Variants in NTN4 observed in about 807,000 individuals in gnomAD.
NTN4 encodes netrin-4.
Under a neutral mutation model 73.6 loss-of-function variants are expected in NTN4, and 32 were observed. That is an observed-to-expected ratio of 0.44 (90% CI 0.33 to 0.58). The LOEUF is 0.58. Ranked by LOEUF, NTN4 falls within the 20% of genes least tolerant of loss-of-function variation. NTN4 has a pLI of 0.04. For missense variants in NTN4, 654 were observed against 798.3 expected, an observed-to-expected ratio of 0.82 and a Z score of 2.18; for synonymous variants, 258 against 287.5, an observed-to-expected ratio of 0.90 and a Z score of 1.04.
Position 95,745,654 on chromosome 12 carries a change from TTTTC to T in NTN4, c.586-7514_586-7511del, listed in dbSNP as rs148154560. On this transcript the variant is annotated intron_variant, in intron 2 of 9. Transcript: ENST00000343702. ...TCTGTGTCTGTTTCTATTGATTTGT[TTTTC>T]TTTTTATTATGAGTTGTATTCTCTG... Among the ~76,000 whole-genome samples the T allele has an allele frequency of 3.5e-3, 532 of 152,310 alleles. 3 individuals carry two copies. The highest frequency in any genetic ancestry group is 6.4e-3 in the Non-Finnish European group (438 of 68,020).
intron 7 of NTN4, among the ~76,000 whole-genome samples, chr12:95,678,023 C>T (rs1271611854): frequency 6.6e-6 from 1 of 152,154 alleles, no homozygotes; most frequent in African/African-American, 2.4e-5. Flanking sequence ...AGGATGAGTT[C>T]ATGTCCTTTG....
chr12:95,710,751 C>T, intron 4 of NTN4, 122 bp from the exon 5 acceptor site: 1 of 873,446 alleles, frequency 1.1e-6, no homozygotes, highest in Non-Finnish European at 1.7e-6. Flanking sequence ...ACCTGTAATC[C>T]CAGCACTTGT....
At chr12:95,672,523 A>C in intron 7 of NTN4, 1 of 1,529,220 alleles carries the variant, frequency 6.5e-7, no homozygotes, top group Non-Finnish European at 9.0e-7. Flanking sequence ...GCTAGATGCC[A>C]TTGATCAGAT....
At chr12:95,682,097 C>T (rs1452259046) in intron 7 of NTN4, among the ~76,000 whole-genome samples, 3 of 94,808 alleles carry the variant, frequency 3.2e-5, no homozygotes, top group African/African-American at 1.3e-4. Flanking sequence ...AGGTCTTGCT[C>T]TGTTACCCAG....
chr12:95,682,529 C>G (rs1289835968), intron 7 of NTN4, among the ~76,000 whole-genome samples, 178 bp downstream of exon 7: 1 of 151,326 alleles, frequency 6.6e-6, no homozygotes, highest in East Asian at 1.9e-4. Context: ...TGTTAAAATA[C>G]CCCTTAGCTA....
Position 95,710,565 on chromosome 12 carries a change from C to T in NTN4, c.1056G>A (p.Gly352=). 2 of 1,614,182 alleles carry T rather than the reference C, an allele frequency of 1.2e-6. No homozygotes were observed. The highest frequency in any genetic ancestry group is 1.1e-5 in the South Asian group (1 of 91,080). ...HFDVNVWEAS[G]NRSGGVCDDC... is the part of the protein sequence containing the mutation. ...CATCACAGACACCACCACTACGATTCCCTGATGCCTCCCACACATTAACGT... is the reference window on the plus strand; with the variant it reads ...CATCACAGACACCACCACTACGATTTCCTGATGCCTCCCACACATTAACGT... The change falls in exon 5 of 10, where the codon GGG becomes GGA. Residue 352 remains glycine, a synonymous_variant. Transcript: ENST00000343702.
At chr12:95,739,546 T>A (rs549909888) in intron 2 of NTN4, among the ~76,000 whole-genome samples, 53 of 152,336 alleles carry the variant, frequency 3.5e-4, no homozygotes, top group African/African-American at 1.3e-3. Flanking sequence ...AAGCATTTTT[T>A]AAAAATTGAA....
rs775905654 is a variant in NTN4, at chr12:95,683,477, G to T, written c.1394+21C>A. ...GAGCCTGAAATACATGCAGCTGAGA[G>T]CAAGAGCCTTGCACATTCACCTGCT... is the stretch of plus-strand genomic sequence containing the variant. On this transcript the variant is annotated intron_variant, in intron 6 of 9. Transcript: ENST00000343702. The T allele has an allele frequency of 3.8e-5, 61 of 1,606,520 alleles. No individual in the cohort carries two copies. The East Asian group carries it at 1.3e-3, about 35-fold the overall frequency.
At chr12:95,684,926 G>A (rs1298081171) in intron 5 of NTN4, among the ~76,000 whole-genome samples, 1 of 152,120 alleles carries the variant, frequency 6.6e-6, no homozygotes, top group Admixed American at 6.5e-5. Flanking sequence ...CTGGAATGCA[G>A]TGGTGCTATC....
chr12:95,662,789 C>T (rs1215760128), intron 9 of NTN4, among the ~76,000 whole-genome samples: 7 of 152,094 alleles, frequency 4.6e-5, no homozygotes, highest in Non-Finnish European at 8.8e-5. Context: ...TAATAAACTC[C>T]TCATTTAAAA....
At chr12:95,786,204 T>G (rs1354089296) in intron 2 of NTN4, among the ~76,000 whole-genome samples, 1 of 152,232 alleles carries the variant, frequency 6.6e-6, no homozygotes, top group African/African-American at 2.4e-5. Flanking sequence ...CTTAATCTGC[T>G]TTTATTCAGT....
intron 7 of NTN4, among the ~76,000 whole-genome samples, chr12:95,682,057 C>CTTTTTGTTTTTTTTTTT (rs2078320522): frequency 1.5e-5 from 1 of 64,546 alleles, no homozygotes. Flanking sequence ...ATTCAGTAGG[C>CTTTTTGTTTTTTTTTTT]TTTTTTTTTT....
At chr12:95,687,391 T>G (rs976127470) in intron 5 of NTN4, among the ~76,000 whole-genome samples, 4 of 140,074 alleles carry the variant, frequency 2.9e-5, no homozygotes, top group African/African-American at 7.7e-5. Flanking sequence ...AAAATTTTTT[T>G]TTTTGTTTTT....
chr12:95,787,320 C>T lies in NTN4; in HGVS notation c.204G>A (p.Thr68=), dbSNP rs371848057. Reference sequence around the variant, plus strand: ...ATTTGGGCTGCCGACAAGTCAGATCCGTGTTCTCACTGTAGAAGCAGTACA... The same window carrying T: ...ATTTGGGCTGCCGACAAGTCAGATCTGTGTTCTCACTGTAGAAGCAGTACA... ...TELYCFYSEN[T]DLTCRQPKCD... The change falls in exon 2 of 10, where the codon ACG becomes ACA. Residue 68 remains threonine, a synonymous_variant. Coordinates refer to ENST00000343702, the MANE Select transcript of NTN4 (RefSeq NM_021229.4). 3 of 1,614,192 alleles carry T rather than the reference C, an allele frequency of 1.9e-6. No individual in the cohort carries two copies. The highest frequency in any genetic ancestry group is 2.2e-5 in the East Asian group (1 of 44,888).
intron 5 of NTN4, among the ~76,000 whole-genome samples, chr12:95,707,724 A>G (rs983598236): frequency 2.6e-5 from 4 of 152,206 alleles, no homozygotes; most frequent in Non-Finnish European, 4.4e-5. Flanking sequence ...CACCTGGCAC[A>G]TAGTAGGCGC....
chr12:95,683,508 A>G lies in NTN4; in HGVS notation c.1384T>C (p.Cys462Arg). 2 of 1,613,966 alleles carry G rather than the reference A, an allele frequency of 1.2e-6. No individual in the cohort carries two copies. The highest frequency in any genetic ancestry group is 8.5e-7 in the Non-Finnish European group (1 of 1,179,924). The change falls in exon 6 of 10, where the codon TGC (cysteine) becomes CGC (arginine). Residue 462 changes from cysteine (C) to arginine (R), a missense_variant. Physicochemically the swap from Cys to Arg is radical, Grantham distance 180. Coordinates refer to ENST00000343702, the MANE Select transcript of NTN4 (RefSeq NM_021229.4). ...GCCTTGCACATTCACCTGCTGATGC[A>G]GTCTCCGGTGATAGGGTCACAGCTC... ...AGSCDPITGD[C>R]ISSHTDIDWY...
At chr12:95,736,673 G>A (rs1278726240) in intron 3 of NTN4, among the ~76,000 whole-genome samples, 1 of 152,196 alleles carries the variant, frequency 6.6e-6, no homozygotes, top group African/African-American at 2.4e-5. Context: ...ATCCATCAGT[G>A]TCTAGAAACT....
Position 95,700,216 on chromosome 12 carries a change from A to G in NTN4, c.1180+10225T>C, listed in dbSNP as rs1165061659. 2.7e-5 allele frequency among the ~76,000 whole-genome samples: 4 copies of G among 148,404 alleles called. No homozygotes were observed. The East Asian group carries it at 8.1e-4, about 30-fold the overall frequency. On this transcript the variant is annotated intron_variant, in intron 5 of 9. Coordinates refer to ENST00000343702, the MANE Select transcript of NTN4 (RefSeq NM_021229.4). ...TGGGCACAAGTGGTCCTCCTGCCTG[A>G]GCCTCCTGAGTTGCTGGGACTACAA...
intron 7 of NTN4, among the ~76,000 whole-genome samples, chr12:95,682,211 C>T (rs2078322794): frequency 6.6e-6 from 1 of 151,766 alleles, no homozygotes; most frequent in Admixed American, 6.6e-5. Context: ...CGTGCACCAC[C>T]ACACTGGGCT....
Sources: gnomAD v4.1 joint callset for allele counts (sites outside exome capture counted in the v4.1 genomes callset) on GRCh38, gnomAD v4.1.1 for gene constraint, MANE v1.5 for transcripts, NCBI Gene and HGNC (gene_info 2026-07-23, HGNC 2026-07-21) for gene names.